The following C11orf91 variants were observed in gnomAD, a reference collection of about 807,000 sequenced individuals.
The protein encoded by C11orf91 is chromosome 11 open reading frame 91.
C11orf91 carries 10 observed loss-of-function variants against 14.3 expected under a neutral mutation model. The observed-to-expected ratio is 0.70, with a 90% CI of 0.43 to 1.18. The LOEUF (loss-of-function observed/expected upper bound fraction) is 1.18. Among genes scored for constraint, C11orf91 ranks in the 50% most tolerant of loss-of-function variants. C11orf91 has a pLI of 0.00. For synonymous variants in C11orf91, 141 were observed against 130.6 expected, an observed-to-expected ratio of 1.08 and a Z score of -0.54; for missense variants, 236 against 269.0, an observed-to-expected ratio of 0.88 and a Z score of 0.86.
At chr11:33,706,533 G>C in the C11orf91 span, 1 of 139,176 alleles carries the variant, frequency 7.2e-6, no homozygotes. Flanking sequence ...CATAGAAAGT[G>C]AAAGTTCAGA....
Position 33,700,672 on chromosome 11 carries a change from G to A in C11orf91, c.69C>T (p.Phe23=), listed in dbSNP as rs1028856694. ...AGATGCCGCGGTCGTACAGGGACGG[G>A]AAATAGAGGGGCGGAGCCGACCGCT... The part of the protein sequence containing the change: ...MSQRSAPPLY[F]PSLYDRGISS... Residue 23 remains phenylalanine, a synonymous_variant, in exon 1 of 2, where the codon TTC becomes TTT. Coordinates refer to ENST00000379011, the MANE Select transcript of C11orf91 (RefSeq NM_001166692.2). 7.5e-6 allele frequency: 11 copies of A among 1,463,260 alleles called. 1 individual carries two copies. In the South Asian group the frequency reaches 9.3e-5, roughly 12 times the overall value. The allele number at this position is 1,463,260 out of a possible 1,614,324, so 90.6% of individuals were successfully genotyped here.
chr11:33,702,762 T>G, upstream of C11orf91: 1 of 378,176 alleles, frequency 2.6e-6, no homozygotes, highest in South Asian at 1.9e-5. Context: ...GAAAAATTTT[T>G]TCACCCCTAC....
At chr11:33,699,257 T>C (rs972478913) in intron 1 of C11orf91, among the ~76,000 whole-genome samples, 1 of 152,206 alleles carries the variant, frequency 6.6e-6, no homozygotes, top group Non-Finnish European at 1.5e-5. Context: ...TGCATTACAG[T>C]GTGTCTGATG....
At chr11:33,704,961 C>T (rs919484280), upstream of C11orf91, 1 of 152,388 alleles carries the variant, frequency 6.6e-6, no homozygotes, top group Non-Finnish European at 1.5e-5. Context: ...GCATTCCCAT[C>T]TCCCTTTCAA....
upstream of C11orf91, among the ~76,000 whole-genome samples, chr11:33,701,149 G>C (rs1361810146): frequency 1.3e-5 from 2 of 152,216 alleles, no homozygotes; most frequent in Admixed American, 1.3e-4. Context: ...TCCCATGAGG[G>C]AGAAAAGTAT....
At chr11:33,698,548 G>C in intron 1 of C11orf91, 34 bp from the exon 2 acceptor site, 2 of 1,431,472 alleles carry the variant, frequency 1.4e-6, no homozygotes, top group Non-Finnish European at 1.9e-6. Context: ...AGCCGTAATA[G>C]AGATAAGGGC....
At chr11:33,703,006 G>A (rs1315296458), upstream of C11orf91, 2 of 152,238 alleles carry the variant, frequency 1.3e-5, no homozygotes, top group Non-Finnish European at 2.9e-5. Context: ...CATATTAAAG[G>A]CCCTTAGAAG....
In C11orf91 at chr11:33,698,533, AACTTAGCCGTAAT is replaced by A. The variant is rs777214236; in HGVS notation, c.497-32_497-20del. On this transcript the variant is annotated intron_variant, in intron 1 of 1. Transcript: ENST00000379011. ...AATGTGTCTGCAGGAGAGCAAAACA[AACTTAGCCGTAAT>A]AGAGATAAGGGCTTTTCCTAACACT... is the stretch of plus-strand genomic sequence containing the variant. 3.2e-5 allele frequency: 48 copies of A among 1,515,874 alleles called. No individual in the cohort carries two copies. In the South Asian group the frequency reaches 4.9e-4, roughly 15 times the overall value. The allele number at this position is 1,515,874 out of a possible 1,614,324, so 93.9% of individuals were successfully genotyped here.
In C11orf91 at chr11:33,700,670, G is replaced by C. The variant is rs995971261; in HGVS notation, c.71C>G (p.Pro24Arg). The C allele has an allele frequency of 1.3e-4, 188 of 1,462,534 alleles. No homozygotes were observed. The highest frequency in any genetic ancestry group is 3.3e-4 in the Admixed American group (14 of 42,844). The allele number at this position is 1,462,534 out of a possible 1,614,324, so 90.6% of individuals were successfully genotyped here. ...SQRSAPPLYF[P>R]SLYDRGISSS... ...GGAGATGCCGCGGTCGTACAGGGAC[G>C]GGAAATAGAGGGGCGGAGCCGACCG... Residue 24 changes from proline to arginine, a missense_variant, in exon 1 of 2, where the codon CCG becomes CGG. By Grantham distance (103) the Pro-to-Arg change is moderately radical. Coordinates refer to ENST00000379011, the MANE Select transcript of C11orf91 (RefSeq NM_001166692.2).
chr11:33,699,286 T>C (rs920516777), intron 1 of C11orf91, among the ~76,000 whole-genome samples: 3 of 152,182 alleles, frequency 2.0e-5, no homozygotes, highest in African/African-American at 7.2e-5. Flanking sequence ...ACCATTTCCA[T>C]GGCCACACGG....
chr11:33,702,191 C>G (rs1003383468), upstream of C11orf91, among the ~76,000 whole-genome samples: 4 of 152,202 alleles, frequency 2.6e-5, no homozygotes, highest in African/African-American at 9.7e-5. Context: ...AGCTCAGCAC[C>G]CAGCCTGTAA....
upstream of C11orf91, chr11:33,704,176 G>A (rs1333990217): frequency 6.6e-6 from 1 of 152,158 alleles, no homozygotes; most frequent in Non-Finnish European, 1.5e-5. Context: ...TAGTGGTTGT[G>A]TCTTGGAATA....
In C11orf91 at chr11:33,698,299, C is replaced by G; in HGVS notation, c.*130G>C. ...GTGGGCACTGTATGTGAAGTACATGCTGGTAGCAACAAGAACAGCGGTAAA... is the reference window on the plus strand; with the variant it reads ...GTGGGCACTGTATGTGAAGTACATGGTGGTAGCAACAAGAACAGCGGTAAA... On this transcript the variant is annotated 3_prime_UTR_variant, in exon 2 of 2. Transcript: ENST00000379011. 1 of 655,096 alleles carries G rather than the reference C, an allele frequency of 1.5e-6. No homozygotes were observed. The highest frequency in any genetic ancestry group is 1.8e-5 in the South Asian group (1 of 56,048). 40.6% of individuals were successfully genotyped at this position (655,096 alleles called of 1,614,324 possible). A position where few individuals can be genotyped will look rare whatever the true frequency, so the allele number is the denominator to read the frequency against.
rs1339423858 is a variant in C11orf91, at chr11:33,700,368, G to A, written c.373C>T (p.Pro125Ser). 1 of 1,534,950 alleles carries A rather than the reference G, an allele frequency of 6.5e-7. No homozygotes were observed. Among genetic ancestry groups the A allele is most frequent in the South Asian group, 1.2e-5 (1 of 84,010 alleles). ...GPEVVASPLV[P>S]CPSTPRLASA... ...GCGAGCCTGGGGGTCGAGGGGCAGG[G>A]GACCAGGGGCGAGGCAACCACCTCA... The change falls in exon 1 of 2, where the codon CCC (proline) becomes TCC (serine). Residue 125 changes from proline to serine, a missense_variant. Coordinates refer to ENST00000379011, the MANE Select transcript of C11orf91 (RefSeq NM_001166692.2).
chr11:33,698,498 C>T lies in C11orf91; in HGVS notation c.513G>A (p.Ala171=), dbSNP rs527981527. 36 of 1,537,404 alleles carry T rather than the reference C, an allele frequency of 2.3e-5. No homozygotes were observed. The highest frequency in any genetic ancestry group is 3.9e-5 in the Admixed American group (2 of 50,998). ...FDSQSYTFLK[A]LKDEKLQGLK... ...GTCCTTGTAACTTTTCGTCTTTTAGCGCCTTCAGGAATGTGTCTGCAGGAG... is the reference window on the plus strand; with the variant it reads ...GTCCTTGTAACTTTTCGTCTTTTAGTGCCTTCAGGAATGTGTCTGCAGGAG... Residue 171 remains alanine (A), a synonymous_variant, in exon 2 of 2, where the codon GCG becomes GCA. Coordinates refer to ENST00000379011, the MANE Select transcript of C11orf91 (RefSeq NM_001166692.2).
upstream of C11orf91, chr11:33,703,548 A>ATG (rs1474016263): frequency 2.0e-5 from 3 of 152,350 alleles, no homozygotes; most frequent in South Asian, 2.1e-4. Context: ...TGAGAGACAC[A>ATG]AGTCCCTCTT....
At position 33,698,573 on chromosome 11, in the gene C11orf91, C is replaced by T. The variant is rs556775570; in HGVS notation, c.497-59G>A. The T allele has an allele frequency of 2.1e-4, 253 of 1,184,644 alleles. No homozygotes were observed. The African/African-American group carries it at 3.4e-3, about 16-fold the overall frequency. 73.4% of individuals were successfully genotyped at this position (1,184,644 alleles called of 1,614,324 possible). A position where few individuals can be genotyped will look rare whatever the true frequency, so the allele number is the denominator to read the frequency against. ...GAGATAAGGGCTTTTCCTAACACTTCCAAAGCAAACTCTTGGGAAGCAACT... is the reference window on the plus strand; with the variant it reads ...GAGATAAGGGCTTTTCCTAACACTTTCAAAGCAAACTCTTGGGAAGCAACT... On this transcript the variant is annotated intron_variant, in intron 1 of 1. Coordinates refer to ENST00000379011, the MANE Select transcript of C11orf91 (RefSeq NM_001166692.2).
chr11:33,705,055 T>TA (rs1042409422), upstream of C11orf91: 1 of 152,128 alleles, frequency 6.6e-6, no homozygotes, highest in Non-Finnish European at 1.5e-5. Context: ...AGTAAGAATT[T>TA]AAAAAAATAA....
In C11orf91 at chr11:33,700,277, G is replaced by A; in HGVS notation, c.464C>T (p.Thr155Ile). The change falls in exon 1 of 2, where the codon ACC (threonine) becomes ATC (isoleucine). Residue 155 changes from threonine to isoleucine, a missense_variant. Physicochemically the swap from Thr to Ile is moderately conservative, Grantham distance 89. Coordinates refer to ENST00000379011, the MANE Select transcript of C11orf91 (RefSeq NM_001166692.2). ...EIRIKELELL[T>I]ITGDGFDSQS... ...GGAGTCGAAGCCGTCCCCAGTGATG[G>A]TGAGCAACTCCAGCTCCTTAATCCG... The A allele has an allele frequency of 6.5e-7, 1 of 1,534,768 alleles. No homozygotes were observed. The highest frequency in any genetic ancestry group is 8.7e-7 in the Non-Finnish European group (1 of 1,146,336).
Sources: allele counts gnomAD v4.1 joint callset (sites outside exome capture counted in the v4.1 genomes callset), GRCh38; gene constraint gnomAD v4.1.1; transcripts MANE v1.5; gene names NCBI Gene and HGNC (gene_info 2026-07-23, HGNC 2026-07-21).